ANGPT2: variants seen among roughly 807,000 people sequenced by gnomAD.
The protein encoded by ANGPT2 is angiopoietin-2.
In ANGPT2, 28 loss-of-function variants were observed where a neutral mutation model predicts 62.9. The observed-to-expected ratio is 0.44, with a 90% CI of 0.33 to 0.61. The LOEUF (loss-of-function observed/expected upper bound fraction) is 0.61, where lower values mean the gene tolerates loss of function less well. ANGPT2 is among the 20% of genes least tolerant of loss of function. The probability of loss-of-function intolerance (pLI) is 0.03; values close to 1 mark genes in which losing one functional copy is unlikely to be tolerated. For missense variants in ANGPT2, 727 were observed against 594.9 expected, an observed-to-expected ratio of 1.22 and a Z score of -2.31; for synonymous variants, 284 against 207.8, an observed-to-expected ratio of 1.37 and a Z score of -3.15.
intron 1 of ANGPT2, among the ~76,000 whole-genome samples, chr8:6,544,128 T>G (rs568534803): frequency 6.6e-6 from 1 of 152,346 alleles, no homozygotes; most frequent in South Asian, 2.1e-4. Context: ...AACATAACTT[T>G]TATCTTCATC....
At chr8:6,553,804 C>T (rs567279350) in intron 1 of ANGPT2, among the ~76,000 whole-genome samples, 2 of 152,046 alleles carry the variant, frequency 1.3e-5, no homozygotes, top group Non-Finnish European at 2.9e-5. Flanking sequence ...GAATGTCAGA[C>T]GGTCCTTATA....
At chr8:6,507,042 C>T (rs1296413152) in intron 8 of ANGPT2, among the ~76,000 whole-genome samples, 10 of 152,010 alleles carry the variant, frequency 6.6e-5, no homozygotes, top group African/African-American at 1.4e-4. Context: ...GGATTACAGG[C>T]GTATGCCACC....
intron 5 of ANGPT2, 134 bp downstream of exon 5, chr8:6,519,730 C>T: frequency 9.1e-7 from 1 of 1,101,464 alleles, no homozygotes. Context: ...GAGGTAGCTG[C>T]CCAGTAACTA....
At chr8:6,548,582 G>A (rs1823029065) in intron 1 of ANGPT2, among the ~76,000 whole-genome samples, 2 of 152,204 alleles carry the variant, frequency 1.3e-5, no homozygotes, top group African/African-American at 2.4e-5. Flanking sequence ...AGGCTGATGA[G>A]CCAAGGTACA....
At chr8:6,542,944 G>A (rs1286715397) in intron 1 of ANGPT2, among the ~76,000 whole-genome samples, 1 of 152,126 alleles carries the variant, frequency 6.6e-6, no homozygotes, top group Admixed American at 6.5e-5. Context: ...ACTAGTTTTT[G>A]CTGTCCTTTA....
chr8:6,535,706 T>C (rs1820359322), intron 1 of ANGPT2, among the ~76,000 whole-genome samples: 1 of 152,112 alleles, frequency 6.6e-6, no homozygotes. Context: ...GGGAGAAGAA[T>C]GGAACAGAAC....
Position 6,509,071 on chromosome 8 carries a change from G to A in ANGPT2, c.1197-9C>T, listed in dbSNP as rs780334639. The A allele has an allele frequency of 8.1e-6, 13 of 1,610,452 alleles. No individual in the cohort carries two copies. The highest frequency in any genetic ancestry group is 5.5e-5 in the South Asian group (5 of 90,718). ...GTCCTTTAAGGTGAATCCTGTAAGCGTGCAAAGAAAAAAAACACATTGGCT... is the reference window on the plus strand; with the variant it reads ...GTCCTTTAAGGTGAATCCTGTAAGCATGCAAAGAAAAAAAACACATTGGCT... On this transcript the variant is annotated splice_polypyrimidine_tract_variant and intron_variant, in intron 7 of 8. Coordinates refer to ENST00000629816, the MANE Select transcript of ANGPT2 (RefSeq NM_001118887.2).
chr8:6,526,721 A>G (rs1355484709), intron 3 of ANGPT2, among the ~76,000 whole-genome samples: 4 of 152,204 alleles, frequency 2.6e-5, no homozygotes, highest in South Asian at 2.1e-4. Flanking sequence ...AATTATTTAA[A>G]TTGTGAAATA....
chr8:6,517,786 C>T (rs1383686319), intron 5 of ANGPT2, among the ~76,000 whole-genome samples: 1 of 152,174 alleles, frequency 6.6e-6, no homozygotes, highest in East Asian at 1.9e-4. Flanking sequence ...CCACAAATGG[C>T]AGAGCTAGAA....
chr8:6,554,292 G>A (rs1824191483), intron 1 of ANGPT2, among the ~76,000 whole-genome samples: 1 of 147,130 alleles, frequency 6.8e-6, no homozygotes, highest in Non-Finnish European at 1.5e-5. Flanking sequence ...TACAAGATCT[G>A]GATTTTAAAA....
intron 7 of ANGPT2, among the ~76,000 whole-genome samples, chr8:6,510,570 C>A (rs975933462): frequency 2.0e-5 from 3 of 152,226 alleles, no homozygotes; most frequent in African/African-American, 7.2e-5. Flanking sequence ...CTTATAACCA[C>A]CTGCAGTGGT....
At position 6,562,843 on chromosome 8, in the gene ANGPT2, T is replaced by C. The variant is rs757263150; in HGVS notation, c.92A>G (p.Lys31Arg). The change falls in exon 1 of 9, where the codon AAG (lysine) becomes AGG (arginine). Residue 31 changes from lysine (K) to arginine (R), a missense_variant. By Grantham distance (26) the Lys-to-Arg change is conservative. Transcript: ENST00000629816. ...CCCATGCTGGACCTGATATTGCTTCTTTCCTATGCTGTCCATGCTCTTCCG... is the reference window on the plus strand; with the variant it reads ...CCCATGCTGGACCTGATATTGCTTCCTTCCTATGCTGTCCATGCTCTTCCG... ...NFRKSMDSIG[K>R]KQYQVQHGSC... 1.9e-6 allele frequency: 3 copies of C among 1,613,992 alleles called. No homozygotes were observed. Among genetic ancestry groups the C allele is most frequent in the Non-Finnish European group, 2.5e-6 (3 of 1,179,976 alleles).
chr8:6,519,121 T>C (rs781744629), intron 5 of ANGPT2, among the ~76,000 whole-genome samples: 1 of 152,202 alleles, frequency 6.6e-6, no homozygotes, highest in Non-Finnish European at 1.5e-5. Context: ...AAATGAACAC[T>C]GTCTTTATGG....
rs201382058 is a variant in ANGPT2, at chr8:6,527,621, G to T, written c.500C>A (p.Thr167Lys). ...ELQLLEHSLS[T>K]NKLEKQILDQ... ...CAAAATCTGTTTTTCCAATTTGTTT[G>T]TCGAGAGGGAGTGTTCCAAGAGCTG... The change falls in exon 3 of 9, where the codon ACA becomes AAA. Residue 167 changes from threonine (T) to lysine (K), a missense_variant. Thr to Lys is a moderately conservative substitution (Grantham distance 78, BLOSUM62 -1). Transcript: ENST00000629816. 6.2e-7 allele frequency: 1 copy of T among 1,613,936 alleles called. No individual in the cohort carries two copies. Among genetic ancestry groups the T allele is most frequent in the Non-Finnish European group, 8.5e-7 (1 of 1,179,910 alleles).
At chr8:6,560,755 C>A (rs995048838) in intron 1 of ANGPT2, among the ~76,000 whole-genome samples, 1 of 152,214 alleles carries the variant, frequency 6.6e-6, no homozygotes, top group African/African-American at 2.4e-5. Flanking sequence ...TTGTCTTTTT[C>A]TGTCTTTAAA....
At chr8:6,531,850 CCTT>C (rs1819580766) in intron 2 of ANGPT2, among the ~76,000 whole-genome samples, 1 of 152,218 alleles carries the variant, frequency 6.6e-6, no homozygotes, top group East Asian at 1.9e-4. Context: ...CCACTTGTCT[CCTT>C]CTCCATAAAC....
At position 6,532,355 on chromosome 8, in the gene ANGPT2, T is replaced by C; in HGVS notation, c.421A>G (p.Lys141Glu). 2 of 1,614,162 alleles carry C rather than the reference T, an allele frequency of 1.2e-6. No homozygotes were observed. The highest frequency in any genetic ancestry group is 1.7e-6 in the Non-Finnish European group (2 of 1,180,026). ...LLNQTAEQTR[K>E]LTDVEAQVLN... is the part of the protein sequence containing the mutation. ...ACTTGGGCTTCCACATCAGTTAACT[T>C]CCGCGTTTGCTCCGCTGTTTGGTTC... The change falls in exon 2 of 9, where the codon AAG becomes GAG. Residue 141 changes from lysine (K) to glutamate (E), a missense_variant. Coordinates refer to ENST00000629816, the MANE Select transcript of ANGPT2 (RefSeq NM_001118887.2).
chr8:6,524,674 G>C (rs190424176), intron 3 of ANGPT2, among the ~76,000 whole-genome samples: 36 of 152,338 alleles, frequency 2.4e-4, no homozygotes, highest in African/African-American at 8.2e-4. Flanking sequence ...TCTTAAGCCT[G>C]CGGAAATTTA....
At chr8:6,555,578 C>T (rs1824462440) in intron 1 of ANGPT2, among the ~76,000 whole-genome samples, 1 of 151,902 alleles carries the variant, frequency 6.6e-6, no homozygotes, top group Non-Finnish European at 1.5e-5. Context: ...CCACCCACCT[C>T]ATCCTCCTGA....
Sources: gnomAD v4.1 joint callset for allele counts (sites outside exome capture counted in the v4.1 genomes callset) on GRCh38, gnomAD v4.1.1 for gene constraint, MANE v1.5 for transcripts, NCBI Gene and HGNC (gene_info 2026-07-23, HGNC 2026-07-21) for gene names.